The following HDAC9 variants were observed in gnomAD, a reference collection of about 807,000 sequenced individuals.
HDAC9 encodes MEF-2 interacting transcription repressor (MITR) protein.
HDAC9 carries 41 observed loss-of-function variants against 139.4 expected under a neutral mutation model. That is an observed-to-expected ratio of 0.29 (90% CI 0.23 to 0.38). HDAC9 has a LOEUF of 0.38. HDAC9 is among the 10% of genes least tolerant of loss of function. The pLI is 1.00. For missense variants in HDAC9, 1,147 were observed against 1,297.0 expected (o/e 0.88, Z 1.78); for synonymous variants, 517 against 476.2 (o/e 1.09, Z -1.12).
At chr7:18,702,825 A>G (rs1783612063) in intron 12 of HDAC9, among the ~76,000 whole-genome samples, 1 of 152,074 alleles carries the variant, frequency 6.6e-6, no homozygotes, top group Non-Finnish European at 1.5e-5. Context: ...GTTTTGTCTT[A>G]ACATTTAGTA....
At chr7:18,927,865 A>G (rs1193740281) in intron 22 of HDAC9, among the ~76,000 whole-genome samples, 1 of 152,204 alleles carries the variant, frequency 6.6e-6, no homozygotes, top group South Asian at 2.1e-4. Flanking sequence ...GGAGGTTGCC[A>G]GAATCATTTT....
chr7:18,710,625 G>C (rs1295736536), intron 12 of HDAC9, among the ~76,000 whole-genome samples: 1 of 152,092 alleles, frequency 6.6e-6, no homozygotes, highest in Non-Finnish European at 1.5e-5. Flanking sequence ...CAGCACATTG[G>C]GGATAATGTC....
At chr7:18,954,889 T>G (rs1157491792) in intron 24 of HDAC9, among the ~76,000 whole-genome samples, 1 of 152,090 alleles carries the variant, frequency 6.6e-6, no homozygotes, top group African/African-American at 2.4e-5. Flanking sequence ...AAGTGCCACT[T>G]AAGAAGCCAC....
chr7:18,291,473 A>T (rs1797803746), intron 1 of HDAC9, among the ~76,000 whole-genome samples: 1 of 152,128 alleles, frequency 6.6e-6, no homozygotes, highest in South Asian at 2.1e-4. Context: ...GAACCAGTGC[A>T]TGCCAAGACT....
chr7:18,488,346 T>C (rs1166693981), intron 1 of HDAC9, among the ~76,000 whole-genome samples: 1 of 152,078 alleles, frequency 6.6e-6, no homozygotes, highest in Admixed American at 6.6e-5. Flanking sequence ...GGTTTTCTAG[T>C]TGATATGTAC....
chr7:18,349,150 G>A (rs1026852324), intron 1 of HDAC9, among the ~76,000 whole-genome samples: 2 of 151,862 alleles, frequency 1.3e-5, no homozygotes, highest in African/African-American at 2.4e-5. Flanking sequence ...ACTTACTAAG[G>A]CCTACAAAGC....
At chr7:18,418,522 G>A (rs1310692033) in intron 1 of HDAC9, among the ~76,000 whole-genome samples, 1 of 151,776 alleles carries the variant, frequency 6.6e-6, no homozygotes, top group Admixed American at 6.6e-5. Context: ...ATAGATTGTG[G>A]AAGTGTTTTC....
intron 2 of HDAC9, among the ~76,000 whole-genome samples, chr7:18,514,307 T>C (rs1482117324): frequency 6.6e-6 from 1 of 152,254 alleles, no homozygotes; most frequent in Non-Finnish European, 1.5e-5. Context: ...AGCTTAGAAC[T>C]ATTTATTACC....
At chr7:18,536,587 A>G (rs556527040) in intron 2 of HDAC9, among the ~76,000 whole-genome samples, 1 of 152,344 alleles carries the variant, frequency 6.6e-6, no homozygotes, top group South Asian at 2.1e-4. Flanking sequence ...ATGTTTAAGA[A>G]GACTTCTACT....
intron 24 of HDAC9, among the ~76,000 whole-genome samples, chr7:18,957,539 GA>G (rs1221671542): frequency 3.3e-5 from 5 of 152,146 alleles, no homozygotes; most frequent in African/African-American, 1.2e-4. Flanking sequence ...CTTTGGCAGA[GA>G]AAGTGGTAGG....
At chr7:18,705,863 AT>A (rs1396067478) in intron 12 of HDAC9, among the ~76,000 whole-genome samples, 19,825 of 128,706 alleles carry the variant, frequency 0.15, 4,700 homozygotes, top group African/African-American at 0.47. Flanking sequence ...AAAAAAAAAA[AT>A]AAAATAAAAT....
intron 22 of HDAC9, among the ~76,000 whole-genome samples, chr7:18,890,782 G>A (rs10277631): frequency 0.25 from 38,175 of 152,044 alleles, 4,782 homozygotes; most frequent in South Asian, 0.33. Context: ...CTTTGGGGCT[G>A]TAACATAGAA....
chr7:18,878,137 A>T (rs1323192951), intron 22 of HDAC9, among the ~76,000 whole-genome samples: 1 of 152,174 alleles, frequency 6.6e-6, no homozygotes, highest in African/African-American at 2.4e-5. Context: ...TCAAACAATA[A>T]AATTAATTCA....
chr7:18,992,434 T>C (rs1028503096), intron 25 of HDAC9, among the ~76,000 whole-genome samples: 2 of 152,134 alleles, frequency 1.3e-5, no homozygotes, highest in Admixed American at 6.6e-5. Flanking sequence ...AATAAAAATA[T>C]ATACCCACAA....
intron 2 of HDAC9, among the ~76,000 whole-genome samples, chr7:18,207,047 AGCCCCAGCCTCCCAAGTAG>A (rs1791568886): frequency 6.6e-6 from 1 of 150,738 alleles, no homozygotes; most frequent in Non-Finnish European, 1.5e-5. Context: ...GTGATTCTCC[AGCCCCAGCCTCCCAAGTAG>A]CTTGGGAATT....
chr7:18,219,323 A>G (rs1792523464), intron 2 of HDAC9, among the ~76,000 whole-genome samples: 1 of 152,158 alleles, frequency 6.6e-6, no homozygotes. Context: ...TTAAGGCTAT[A>G]CAATGGGAGT....
chr7:18,101,852 A>G (rs1353400995), intron 1 of HDAC9, among the ~76,000 whole-genome samples: 1 of 152,212 alleles, frequency 6.6e-6, no homozygotes. Context: ...GGAAAGTACC[A>G]TGTTTTTTAA....
intron 1 of HDAC9, among the ~76,000 whole-genome samples, chr7:18,129,652 C>G (rs914532563): frequency 1.3e-5 from 2 of 152,134 alleles, no homozygotes; most frequent in African/African-American, 4.8e-5. Context: ...CTTGTGCAGT[C>G]TTGTAAGACA....
chr7:18,189,120 A>T (rs184868389), intron 2 of HDAC9, among the ~76,000 whole-genome samples: 1,993 of 152,312 alleles, frequency 0.013, 43 homozygotes, highest in African/African-American at 0.045. Context: ...TAGACTGGCT[A>T]AAGAAAATGT....
Sources: gnomAD v4.1 joint callset for allele counts (sites outside exome capture counted in the v4.1 genomes callset) on GRCh38, gnomAD v4.1.1 for gene constraint, MANE v1.5 for transcripts, NCBI Gene and HGNC (gene_info 2026-07-23, HGNC 2026-07-21) for gene names.